Variants in SLC44A4 observed in about 807,000 individuals in gnomAD.
SLC44A4 encodes choline transporter-like protein 4.
Under a neutral mutation model 97.0 loss-of-function variants are expected in SLC44A4, and 74 were observed. The observed-to-expected ratio is 0.76, with a 90% confidence interval of 0.63 to 0.93. The LOEUF (loss-of-function observed/expected upper bound fraction) is 0.93, where lower values mean the gene tolerates loss of function less well. Ranked by LOEUF, SLC44A4 falls within the 40% of genes least tolerant of loss-of-function variation. The pLI, the probability that SLC44A4 is intolerant of heterozygous loss-of-function variation, is 0.00. For synonymous variants in SLC44A4, 325 were observed against 363.8 expected (o/e 0.89, Z 1.21); for missense variants, 799 against 902.9 (o/e 0.88, Z 1.48).
Position 31,874,545 on chromosome 6 carries a change from C to G in SLC44A4, c.469-25G>C. ...TCTGTGGCAGGAGTGAAAGGACAGA[C>G]ACACAGACACAGAGCAGGATGAAGA... On this transcript the variant is annotated intron_variant, in intron 6 of 20. Transcript: ENST00000229729. This position sits in a 1 kb window ranked among gnomAD's most constrained non-coding sequence, Gnocchi z 4.8. 6.2e-7 allele frequency: 1 copy of G among 1,610,260 alleles called. No homozygotes were observed. Among genetic ancestry groups the G allele is most frequent in the Non-Finnish European group, 8.5e-7 (1 of 1,178,426 alleles).
intron 7 of SLC44A4, 58 bp from the exon 8 acceptor site, chr6:31,871,619 C>T: frequency 7.4e-7 from 1 of 1,343,790 alleles, no homozygotes; most frequent in Non-Finnish European, 1.1e-6. Flanking sequence ...TGGAGGGTCT[C>T]TGGCCCCCTC....
At chr6:31,869,463 G>T in intron 12 of SLC44A4, 82 bp downstream of exon 12, 2 of 1,223,394 alleles carry the variant, frequency 1.6e-6, no homozygotes, top group Non-Finnish European at 2.3e-6. Flanking sequence ...TGACACCAAG[G>T]CACTCTACAG....
In SLC44A4 at chr6:31,869,265, G is replaced by A. The variant is rs1413807359; in HGVS notation, c.1131-8C>T. ...CCCGATGTAGCCAGGTACCCAGAGGGGAGTCAAGGAAAGCATGATCACACG... is the reference window on the plus strand; with the variant it reads ...CCCGATGTAGCCAGGTACCCAGAGGAGAGTCAAGGAAAGCATGATCACACG... On this transcript the variant is annotated splice_polypyrimidine_tract_variant and splice_region_variant and intron_variant, in intron 12 of 20. Coordinates refer to ENST00000229729, the MANE Select transcript of SLC44A4 (RefSeq NM_025257.3). The A allele has an allele frequency of 6.3e-7, 1 of 1,594,376 alleles. No homozygotes were observed. Among genetic ancestry groups the A allele is most frequent in the African/African-American group, 1.3e-5 (1 of 74,460 alleles).
At position 31,876,621 on chromosome 6, in the gene SLC44A4, C is replaced by A. The variant is rs1171952957; in HGVS notation, c.89+413G>T. On this transcript the variant is annotated intron_variant, in intron 2 of 20. Transcript: ENST00000229729. This position sits in a 1 kb window ranked among gnomAD's most constrained non-coding sequence, Gnocchi z 4.8. ...TGGTGTGATGGTGCATGCCTGTAGT[C>A]CCAGCTACTCGGAAGGCTAGGGCAG... Among the ~76,000 whole-genome samples, 2 of 152,128 alleles carry A rather than the reference C, an allele frequency of 1.3e-5. No homozygotes were observed. Among genetic ancestry groups the A allele is most frequent in the African/African-American group, 2.4e-5 (1 of 41,418 alleles).
At position 31,869,171 on chromosome 6, in the gene SLC44A4, G is replaced by A; in HGVS notation, c.1217C>T (p.Thr406Ile). 6.2e-7 allele frequency: 1 copy of A among 1,609,468 alleles called. No homozygotes were observed. ...SPGCEKVPIN[T>I]SCNPTAHLVN... ...TCCTCTTACCGTGGGGTTGCATGAT[G>A]TATTTATTGGCACTTTCTCACAGCC... Residue 406 changes from threonine (T) to isoleucine (I), a missense_variant, in exon 13 of 21, where the codon ACA (threonine) becomes ATA (isoleucine). This residue lies in a region of SLC44A4 where 379 missense variants were observed against 438.3 expected (regional missense o/e 0.86). Transcript: ENST00000229729.
At position 31,869,190 on chromosome 6, in the gene SLC44A4, C is replaced by T. The variant is rs1378002283; in HGVS notation, c.1198G>A (p.Glu400Lys). 1.9e-6 allele frequency: 3 copies of T among 1,610,778 alleles called. No homozygotes were observed. Residue 400 changes from glutamate (E) to lysine (K), a missense_variant, in exon 13 of 21, where the codon GAG (glutamate) becomes AAG (lysine). Transcript: ENST00000229729. ...WASNISSPGC[E>K]KVPINTSCNP... ...CATGATGTATTTATTGGCACTTTCT[C>T]ACAGCCGGGGGAGCTGATGTTGGAT...
chr6:31,870,834 C>G lies in SLC44A4; in HGVS notation c.915G>C (p.Val305=). The change falls in exon 10 of 21, where the codon GTG becomes GTC. Residue 305 remains valine, a synonymous_variant. Coordinates refer to ENST00000229729, the MANE Select transcript of SLC44A4 (RefSeq NM_025257.3). ...FTTNLSAYQS[V]QETWLAALIV... ...CACGGGCGGCCAGCCAGGTCTCCTG[C>G]ACGCTCTGGTAGGCACTGAGGTTGG... 1 of 1,613,060 alleles carries G rather than the reference C, an allele frequency of 6.2e-7. No individual in the cohort carries two copies. The highest frequency in any genetic ancestry group is 8.5e-7 in the Non-Finnish European group (1 of 1,180,016).
intron 4 of SLC44A4, among the ~76,000 whole-genome samples, chr6:31,875,472 G>C (rs1045403720): frequency 6.6e-6 from 1 of 152,148 alleles, no homozygotes; most frequent in Non-Finnish European, 1.5e-5. Context: ...AGGACTGTTG[G>C]CATTGCTTCT....
In SLC44A4 at chr6:31,876,247, C is replaced by G; in HGVS notation, c.90-118G>C. 1 of 696,160 alleles carries G rather than the reference C, an allele frequency of 1.4e-6. No individual in the cohort carries two copies. Among genetic ancestry groups the G allele is most frequent in the South Asian group, 2.0e-5 (1 of 50,788 alleles). 43.1% of individuals were successfully genotyped at this position (696,160 alleles called of 1,614,324 possible). A position where few individuals can be genotyped will look rare whatever the true frequency, so the allele number is the denominator to read the frequency against. On this transcript the variant is annotated intron_variant, in intron 2 of 20. Coordinates refer to ENST00000229729, the MANE Select transcript of SLC44A4 (RefSeq NM_025257.3). The surrounding 1 kb of genome is among the most constrained non-coding windows in gnomAD (Gnocchi z 4.8). ...ATGCTGCAGCATGGGCATCAGTAGG[C>G]TTTATTTTTATTTTTTTATTGCTTT...
At chr6:31,869,339 G>T (rs913622776) in intron 12 of SLC44A4, 82 bp from the exon 13 acceptor site, 2 of 1,149,474 alleles carry the variant, frequency 1.7e-6, no homozygotes, top group African/African-American at 3.1e-5. Context: ...CTAGGTGCTT[G>T]TGCAGATCGT....
rs751967449 is a variant in SLC44A4 at position 31,863,767 on chromosome 6, C to A, written c.2012-19G>T. On this transcript the variant is annotated intron_variant, in intron 20 of 20. Transcript: ENST00000229729. ...TCTTCCACTGAGCCGCAACAGAGAC[C>A]GGTTAGAGCGGACCCTGGGGCCAGG... 3 of 1,611,568 alleles carry A rather than the reference C, an allele frequency of 1.9e-6. No homozygotes were observed. The highest frequency in any genetic ancestry group is 1.7e-5 in the Admixed American group (1 of 59,808).
rs766651437 is a variant in SLC44A4 at position 31,864,746 on chromosome 6, A to G, written c.1927-10T>C. ...CCCCCAGGATGGAGGTCTGGAAGAC[A>G]TGACCCGTTGGGGTTATTGGGTTCC... On this transcript the variant is annotated splice_polypyrimidine_tract_variant and intron_variant, in intron 19 of 20. Coordinates refer to ENST00000229729, the MANE Select transcript of SLC44A4 (RefSeq NM_025257.3). 1.4e-5 allele frequency: 23 copies of G among 1,614,036 alleles called. No individual in the cohort carries two copies. The highest frequency in any genetic ancestry group is 5.0e-5 in the Admixed American group (3 of 59,998).
At chr6:31,872,010 T>C (rs1458620243) in intron 7 of SLC44A4, among the ~76,000 whole-genome samples, 2 of 152,100 alleles carry the variant, frequency 1.3e-5, no homozygotes, top group African/African-American at 4.8e-5. Context: ...TTCTACTCTG[T>C]ACCTTTGCTC....
At chr6:31,864,061 C>T (rs535643908) in intron 20 of SLC44A4, among the ~76,000 whole-genome samples, 1 of 151,038 alleles carries the variant, frequency 6.6e-6, no homozygotes, top group Non-Finnish European at 1.5e-5. Context: ...TCTCTAATGG[C>T]TCTTTTTTTT....
chr6:31,870,297 C>T (rs1228303395), intron 11 of SLC44A4, among the ~76,000 whole-genome samples: 2 of 152,154 alleles, frequency 1.3e-5, no homozygotes, highest in East Asian at 1.9e-4. Context: ...GAGCAAGCTG[C>T]TGCCCCTCCT....
chr6:31,865,874 G>A lies in SLC44A4; in HGVS notation c.1486C>T (p.Arg496Cys), dbSNP rs781022323. The A allele has an allele frequency of 9.3e-6, 15 of 1,614,126 alleles. No homozygotes were observed. The highest frequency in any genetic ancestry group is 5.5e-5 in the South Asian group (5 of 91,084). The change falls in exon 14 of 21, where the codon CGT becomes TGT. Residue 496 changes from arginine to cysteine, a missense_variant and splice_region_variant. This residue lies in a region of SLC44A4 where 379 missense variants were observed against 438.3 expected (regional missense o/e 0.86). Coordinates refer to ENST00000229729, the MANE Select transcript of SLC44A4 (RefSeq NM_025257.3). This position sits in a 1 kb window ranked among gnomAD's most constrained non-coding sequence, Gnocchi z 5.2. Reference sequence around the variant, plus strand: ...ACCAGGCCCCTGCCCCATCCTTACCGGAGTGTGCGGATGAAGGCAGAGATT... The same window carrying A: ...ACCAGGCCCCTGCCCCATCCTTACCAGAGTGTGCGGATGAAGGCAGAGATT... ...PLISAFIRTLRYHTGSLAFGA... is the reference protein window; with the variant it reads ...PLISAFIRTLCYHTGSLAFGA...
At chr6:31,873,633 T>TAA (rs9281619) in intron 7 of SLC44A4, among the ~76,000 whole-genome samples, 22 of 143,434 alleles carry the variant, frequency 1.5e-4, no homozygotes, top group Middle Eastern at 3.6e-3. Flanking sequence ...CTTCATCTCT[T>TAA]AAAAAAAAAA....
chr6:31,866,738 CA>C (rs1762892851), intron 13 of SLC44A4, among the ~76,000 whole-genome samples: 1 of 151,902 alleles, frequency 6.6e-6, no homozygotes, highest in Non-Finnish European at 1.5e-5. Context: ...ACTGAAAATA[CA>C]AAAAATTAGC....
In SLC44A4 at chr6:31,865,434, AC is replaced by A; in HGVS notation, c.1687-47del. On this transcript the variant is annotated intron_variant, in intron 16 of 20. Coordinates refer to ENST00000229729, the MANE Select transcript of SLC44A4 (RefSeq NM_025257.3). This position sits in a 1 kb window ranked among gnomAD's most constrained non-coding sequence, Gnocchi z 5.2. The stretch of plus-strand genomic sequence containing the variant: ...AGAGTTACCAAGGCGAGCTGCCTGG[AC>A]CAGGATGGGGGTGTCTAGACCAAAG... 2 of 1,612,910 alleles carry A rather than the reference AC, an allele frequency of 1.2e-6. No individual in the cohort carries two copies. Among genetic ancestry groups the A allele is most frequent in the Non-Finnish European group, 1.7e-6 (2 of 1,178,916 alleles).
Sources: gnomAD v4.1 joint callset for allele counts (sites outside exome capture counted in the v4.1 genomes callset) on GRCh38, gnomAD v4.1.1 for gene constraint, gnomAD v4.1.1 regional missense constraint, Gnocchi (gnomAD v3.1) non-coding constraint, MANE v1.5 for transcripts, NCBI Gene and HGNC (gene_info 2026-07-23, HGNC 2026-07-21) for gene names.